Variants in DDX60 observed in about 807,000 individuals in gnomAD.
DDX60 encodes the protein DExD/H-box helicase 60.
A neutral mutation model predicts 212.8 loss-of-function variants in DDX60; 165 were observed. The ratio of observed to expected loss-of-function variants is 0.78; its 90% CI spans 0.68 to 0.88. The LOEUF (loss-of-function observed/expected upper bound fraction) is 0.88. Among genes scored for constraint, DDX60 ranks in the 40% least tolerant of loss-of-function variants. The pLI is 0.00. For synonymous variants in DDX60, 703 were observed against 685.3 expected (o/e 1.03, Z -0.40); for missense variants, 1,905 against 2,003.9 (o/e 0.95, Z 0.94).
intron 33 of DDX60, among the ~76,000 whole-genome samples, chr4:168,235,430 A>C (rs1733598262): frequency 6.6e-6 from 1 of 152,064 alleles, no homozygotes; most frequent in South Asian, 2.1e-4. Context: ...TTCTATGTTA[A>C]ATATAAATTT....
intron 33 of DDX60, 57 bp from the exon 34 acceptor site, chr4:168,225,733 A>G: frequency 6.6e-7 from 1 of 1,518,904 alleles, no homozygotes; most frequent in Non-Finnish European, 8.9e-7. Flanking sequence ...TCAAAACTGA[A>G]TCGTTGGAAG....
intron 34 of DDX60, 133 bp from the exon 35 acceptor site, chr4:168,224,518 G>T: frequency 1.2e-6 from 1 of 808,068 alleles, no homozygotes; most frequent in Non-Finnish European, 1.9e-6. Context: ...TGTTTCGTAA[G>T]TTATATCGCA....
chr4:168,297,310 G>T (rs1266333976), intron 6 of DDX60, among the ~76,000 whole-genome samples: 1 of 19,590 alleles, frequency 5.1e-5, no homozygotes, highest in African/African-American at 5.2e-4. Context: ...AAGAAAGAAA[G>T]AAAGAAAGAA....
intron 5 of DDX60, among the ~76,000 whole-genome samples, chr4:168,303,964 A>G (rs901854582): frequency 6.6e-6 from 1 of 152,202 alleles, no homozygotes; most frequent in African/African-American, 2.4e-5. Flanking sequence ...CCTGGGCAAC[A>G]GAGCAAGGCT....
rs1048294562 is a variant in DDX60, at chr4:168,221,883, T to C, written c.4825-2A>G. On this transcript the variant is annotated splice_acceptor_variant, in intron 35 of 37. Coordinates refer to ENST00000393743, the MANE Select transcript of DDX60 (RefSeq NM_017631.6). LOFTEE classifies it high-confidence loss of function. ...GACACCGATTGTGCCTAGAGTAACC[T>C]GAAAAAATACGATTATTCTTAATGT... 6.2e-7 allele frequency: 1 copy of C among 1,606,316 alleles called. No individual in the cohort carries two copies. The highest frequency in any genetic ancestry group is 8.5e-7 in the Non-Finnish European group (1 of 1,175,252).
intron 14 of DDX60, among the ~76,000 whole-genome samples, chr4:168,278,752 C>A (rs1291546557): frequency 6.6e-6 from 1 of 152,138 alleles, no homozygotes; most frequent in Non-Finnish European, 1.5e-5. Context: ...TAGCTTGAAC[C>A]CAGGAGGCGG....
At chr4:168,281,064 T>G (rs1426473514) in intron 13 of DDX60, among the ~76,000 whole-genome samples, 1 of 152,112 alleles carries the variant, frequency 6.6e-6, no homozygotes, top group Non-Finnish European at 1.5e-5. Flanking sequence ...CCCTTGAACC[T>G]GGGAGGCAGA....
intron 21 of DDX60, 59 bp from the exon 22 acceptor site, chr4:168,267,750 T>A: frequency 6.5e-7 from 1 of 1,538,420 alleles, no homozygotes; most frequent in Non-Finnish European, 8.8e-7. Flanking sequence ...GAAACAAATT[T>A]AAAGTAAACG....
chr4:168,225,806 G>T, intron 33 of DDX60, 130 bp from the exon 34 acceptor site: 2 of 832,910 alleles, frequency 2.4e-6, no homozygotes, highest in Non-Finnish European at 3.5e-6. Flanking sequence ...ATTCAATAAT[G>T]TCACTGTTTC....
intron 5 of DDX60, 113 bp downstream of exon 5, chr4:168,306,266 C>T: frequency 1.6e-6 from 1 of 630,582 alleles, no homozygotes; most frequent in Non-Finnish European, 2.7e-6. Flanking sequence ...ATTGTTATAC[C>T]TATCTGTTAA....
intron 37 of DDX60, among the ~76,000 whole-genome samples, chr4:168,217,333 C>G (rs1024475517): frequency 6.6e-6 from 1 of 152,164 alleles, no homozygotes; most frequent in African/African-American, 2.4e-5. Context: ...AACGCAAATT[C>G]CTTTTCTTTC....
rs550980053 is a variant in DDX60, at chr4:168,221,349, A to G, written c.4976+381T>C. Among the ~76,000 whole-genome samples, 4 of 152,296 alleles carry G rather than the reference A, an allele frequency of 2.6e-5. No homozygotes were observed. The South Asian group carries it at 8.3e-4, about 32-fold the overall frequency. On this transcript the variant is annotated intron_variant, in intron 36 of 37. Coordinates refer to ENST00000393743, the MANE Select transcript of DDX60 (RefSeq NM_017631.6). ...ACAATTGTCATGTACTCAGTCCTCT[A>G]TCTACTCTTCTCAAATACTGGAGAG...
chr4:168,290,495 C>A (rs1036160420), intron 8 of DDX60, among the ~76,000 whole-genome samples: 2 of 151,468 alleles, frequency 1.3e-5, no homozygotes, highest in African/African-American at 4.8e-5. Context: ...TGCCTGGCTA[C>A]TTTTTATTTT....
chr4:168,223,708 T>A (rs1223053136), intron 35 of DDX60, among the ~76,000 whole-genome samples: 1 of 152,092 alleles, frequency 6.6e-6, no homozygotes, highest in East Asian at 1.9e-4. Flanking sequence ...ATGACTATGA[T>A]TTTGGAATAA....
At chr4:168,249,586 G>T (rs1054188260) in intron 28 of DDX60, among the ~76,000 whole-genome samples, 2 of 152,066 alleles carry the variant, frequency 1.3e-5, no homozygotes, top group African/African-American at 4.8e-5. Context: ...TATTTTCATA[G>T]TACCTTTTGT....
At chr4:168,262,235 G>T in intron 23 of DDX60, 107 bp from the exon 24 acceptor site, 4 of 1,279,026 alleles carry the variant, frequency 3.1e-6, no homozygotes, top group Non-Finnish European at 4.2e-6. Flanking sequence ...TGAGCACAGA[G>T]ATGGTTAAAC....
chr4:168,267,196 T>G (rs1359069645), intron 22 of DDX60, among the ~76,000 whole-genome samples: 1 of 152,198 alleles, frequency 6.6e-6, no homozygotes, highest in Non-Finnish European at 1.5e-5. Context: ...TTACCTGATT[T>G]TTCTATGTAC....
At chr4:168,295,544 T>C (rs999905250) in intron 6 of DDX60, among the ~76,000 whole-genome samples, 9 of 152,212 alleles carry the variant, frequency 5.9e-5, no homozygotes, top group African/African-American at 2.2e-4. Flanking sequence ...TTTTTGTCTA[T>C]AAGTTTGTTC....
At chr4:168,323,770 G>A (rs1737649830), upstream of DDX60, among the ~76,000 whole-genome samples, 1 of 152,162 alleles carries the variant, frequency 6.6e-6, no homozygotes, top group South Asian at 2.1e-4. Context: ...CATGGCCCGA[G>A]AATGGCCCAA....
Sources: allele counts gnomAD v4.1 joint callset (sites outside exome capture counted in the v4.1 genomes callset), GRCh38; gene constraint gnomAD v4.1.1; transcripts MANE v1.5; gene names NCBI Gene and HGNC (gene_info 2026-07-23, HGNC 2026-07-21).